Variants in ARID5B observed in about 807,000 individuals in gnomAD.
The protein encoded by ARID5B is AT-rich interaction domain 5B.
ARID5B carries 13 observed loss-of-function variants against 97.2 expected under a neutral mutation model. That is an observed-to-expected ratio of 0.13 (90% CI 0.09 to 0.21). ARID5B has a LOEUF of 0.21. Ranked by LOEUF, ARID5B falls within the 10% of genes least tolerant of loss-of-function variation. The probability of loss-of-function intolerance (pLI) is 1.00; values close to 1 mark genes in which losing one functional copy is unlikely to be tolerated. For missense variants in ARID5B, 1,210 were observed against 1,465.3 expected (o/e 0.83, Z 2.84); for synonymous variants, 556 against 570.3 (o/e 0.97, Z 0.36).
intron 2 of ARID5B, among the ~76,000 whole-genome samples, chr10:61,909,317 A>AGTT (rs1843759638): frequency 2.1e-5 from 2 of 97,418 alleles, no homozygotes; most frequent in East Asian, 2.9e-4. Flanking sequence ...CTATTCAGTG[A>AGTT]GTTTTTTTTT....
chr10:61,962,809 C>T (rs1365677867), intron 3 of ARID5B, among the ~76,000 whole-genome samples: 1 of 152,090 alleles, frequency 6.6e-6, no homozygotes, highest in East Asian at 1.9e-4. Flanking sequence ...GTTAGTTATC[C>T]GTTAAGTCAC....
At position 62,081,588 on chromosome 10, in the gene ARID5B, G is replaced by A. The variant is rs146222859; in HGVS notation, c.1200-4114G>A. On this transcript the variant is annotated intron_variant, in intron 8 of 9. Transcript: ENST00000279873. ...CAAAATGCAAATGATGAGGACATGT[G>A]TGATACACACTTCTCTAATGCAAGG... Among the ~76,000 whole-genome samples the A allele has an allele frequency of 2.4e-3, 359 of 152,342 alleles. 3 individuals are homozygous for A. Among genetic ancestry groups the A allele is most frequent in the African/African-American group, 8.2e-3 (339 of 41,582 alleles).
At chr10:62,090,462 TA>T (rs1840352977) in intron 9 of ARID5B, among the ~76,000 whole-genome samples, 1 of 152,166 alleles carries the variant, frequency 6.6e-6, no homozygotes, top group Admixed American at 6.5e-5. Context: ...AGAAATGCTT[TA>T]AAAAAATCTT....
intron 3 of ARID5B, among the ~76,000 whole-genome samples, chr10:61,961,630 G>A (rs1218254379): frequency 6.6e-6 from 1 of 152,220 alleles, no homozygotes. Flanking sequence ...TGTAGGAACA[G>A]TAAAGGCATG....
Position 62,092,472 on chromosome 10 carries a change from G to A in ARID5B, c.3009G>A (p.Pro1003=), listed in dbSNP as rs781026911. The change falls in exon 10 of 10, where the codon CCG becomes CCA. Residue 1003 remains proline, a synonymous_variant. Coordinates refer to ENST00000279873, the MANE Select transcript of ARID5B (RefSeq NM_032199.3). ...VHPILHRKMS[P]QNIGAARPIK... The stretch of plus-strand genomic sequence containing the variant: ...CAATCCTGCACCGGAAAATGAGCCC[G>A]CAGAACATTGGGGCGGCGCGGCCGA... The A allele has an allele frequency of 5.6e-6, 9 of 1,614,166 alleles. No homozygotes were observed. Among genetic ancestry groups the A allele is most frequent in the Middle Eastern group, 1.6e-4 (1 of 6,062 alleles).
At chr10:62,053,065 C>A (rs966191285) in intron 5 of ARID5B, among the ~76,000 whole-genome samples, 3 of 152,206 alleles carry the variant, frequency 2.0e-5, no homozygotes, top group African/African-American at 7.2e-5. Context: ...GAACAAGCCA[C>A]ATCTGGGATG....
intron 7 of ARID5B, among the ~76,000 whole-genome samples, chr10:62,061,168 T>C (rs1299014760): frequency 6.6e-6 from 1 of 152,020 alleles, no homozygotes; most frequent in Non-Finnish European, 1.5e-5. Context: ...TTGCTTACCA[T>C]CCAAGAGAGC....
intron 2 of ARID5B, among the ~76,000 whole-genome samples, chr10:61,934,171 C>G (rs2132787700): frequency 6.6e-6 from 1 of 152,316 alleles, no homozygotes; most frequent in East Asian, 1.9e-4. Context: ...GCAGCTTCCT[C>G]ACCACTTTTA....
chr10:61,968,838 A>C (rs1303795748), intron 3 of ARID5B, among the ~76,000 whole-genome samples: 1 of 152,206 alleles, frequency 6.6e-6, no homozygotes, highest in East Asian at 1.9e-4. Context: ...ACCTAAGAGA[A>C]ACTGCTTTCA....
At position 62,091,261 on chromosome 10, in the gene ARID5B, A is replaced by G; in HGVS notation, c.1798A>G (p.Thr600Ala). The G allele has an allele frequency of 6.2e-7, 1 of 1,614,126 alleles. No individual in the cohort carries two copies. Among genetic ancestry groups the G allele is most frequent in the East Asian group, 2.2e-5 (1 of 44,880 alleles). Residue 600 changes from threonine to alanine, a missense_variant, in exon 10 of 10, where the codon ACC (threonine) becomes GCC (alanine). Physicochemically the swap from Thr to Ala is moderately conservative, Grantham distance 58 (BLOSUM62 0). Around this residue, in one of 8 missense-constraint regions of ARID5B, gnomAD observed 800 missense variants for 839.1 expected, o/e 0.95. Coordinates refer to ENST00000279873, the MANE Select transcript of ARID5B (RefSeq NM_032199.3). ...PQEASFPSFP[T>A]TQPPLANQNE... ...AGAAGCATCCTTCCCCAGCTTCCCC[A>G]CCACACAGCCACCGCTGGCAAACCA...
At position 62,000,209 on chromosome 10, in the gene ARID5B, A is replaced by C; in HGVS notation, c.621A>C (p.Ala207=). 1 of 1,613,998 alleles carries C rather than the reference A, an allele frequency of 6.2e-7. No homozygotes were observed. Among genetic ancestry groups the C allele is most frequent in the Non-Finnish European group, 8.5e-7 (1 of 1,179,912 alleles). ...KPSSILTDQF[A]LALGGIAVVS... ...CTTCCATTCTAACGGACCAGTTTGC[A>C]TTGGCCCTGGGGGGCATTGCAGTGG... is the stretch of plus-strand genomic sequence containing the variant. The change falls in exon 4 of 10, where the codon GCA becomes GCC. Residue 207 remains alanine (A), a synonymous_variant. Coordinates refer to ENST00000279873, the MANE Select transcript of ARID5B (RefSeq NM_032199.3). The surrounding 1 kb of genome is among the most constrained non-coding windows in gnomAD (Gnocchi z 4.4).
intron 3 of ARID5B, among the ~76,000 whole-genome samples, chr10:61,980,884 A>C (rs565422763): frequency 2.6e-5 from 4 of 152,242 alleles, no homozygotes; most frequent in Admixed American, 1.3e-4. Flanking sequence ...TATCCCAAAT[A>C]TCATCACTCA....
chr10:61,925,802 A>T (rs1431688703), intron 2 of ARID5B, among the ~76,000 whole-genome samples: 1 of 152,222 alleles, frequency 6.6e-6, no homozygotes, highest in Non-Finnish European at 1.5e-5. Context: ...AACATAAAAT[A>T]TTTAGGATTT....
chr10:62,079,234 T>C (rs1400469136), intron 8 of ARID5B, among the ~76,000 whole-genome samples: 1 of 152,106 alleles, frequency 6.6e-6, no homozygotes, highest in Non-Finnish European at 1.5e-5. Flanking sequence ...CTTTTTGAGA[T>C]GAAGATAGCT....
At chr10:62,069,575 T>G (rs1011396349) in intron 7 of ARID5B, 125 bp from the exon 8 acceptor site, 1 of 781,100 alleles carries the variant, frequency 1.3e-6, no homozygotes, top group African/African-American at 1.7e-5. Context: ...TATACTCTTT[T>G]GGACTTCTCT....
At chr10:62,089,971 T>A (rs1474984626) in intron 9 of ARID5B, among the ~76,000 whole-genome samples, 1 of 152,184 alleles carries the variant, frequency 6.6e-6, no homozygotes, top group Non-Finnish European at 1.5e-5. Context: ...GGGTCATAGA[T>A]GGAAAGTTAA....
intron 4 of ARID5B, chr10:62,049,404 A>G (rs576334128): frequency 1.9e-6 from 3 of 1,550,134 alleles, no homozygotes; most frequent in Non-Finnish European, 2.6e-6. Flanking sequence ...ACTTCCAGGG[A>G]TGTGGCCGGG....
At chr10:61,978,583 G>T (rs776925640) in intron 3 of ARID5B, among the ~76,000 whole-genome samples, 2 of 152,122 alleles carry the variant, frequency 1.3e-5, no homozygotes, top group Non-Finnish European at 2.9e-5. Flanking sequence ...CACATCCCTT[G>T]TAAGTTGTAT....
intron 4 of ARID5B, among the ~76,000 whole-genome samples, chr10:62,007,697 C>G (rs997422325): frequency 6.6e-6 from 1 of 152,160 alleles, no homozygotes; most frequent in East Asian, 1.9e-4. Flanking sequence ...TCAGAAAACA[C>G]CCACAAAATT....
Sources: allele counts gnomAD v4.1 joint callset (sites outside exome capture counted in the v4.1 genomes callset), GRCh38; gene constraint gnomAD v4.1.1; regional missense constraint gnomAD v4.1.1; non-coding constraint Gnocchi (gnomAD v3.1); transcripts MANE v1.5; gene names NCBI Gene and HGNC (gene_info 2026-07-23, HGNC 2026-07-21).